The following MYBBP1A variants were observed in gnomAD, a reference collection of about 807,000 sequenced individuals.
MYBBP1A encodes MYB binding protein 1a.
Under a neutral mutation model 136.3 loss-of-function variants are expected in MYBBP1A, and 147 were observed. The observed-to-expected ratio is 1.08, with a 90% CI of 0.94 to 1.24. The LOEUF (loss-of-function observed/expected upper bound fraction) is 1.24, where lower values mean the gene tolerates loss of function less well. Ranked by LOEUF, MYBBP1A falls within the 50% of genes most tolerant of loss-of-function variation. The probability of loss-of-function intolerance (pLI) is 0.00; values close to 1 mark genes in which losing one functional copy is unlikely to be tolerated. For synonymous variants in MYBBP1A, 947 were observed against 735.8 expected, an observed-to-expected ratio of 1.29 and a Z score of -4.65; for missense variants, 2,060 against 1,727.4, an observed-to-expected ratio of 1.19 and a Z score of -3.41.
chr17:4,542,781 G>A (rs371500518), intron 20 of MYBBP1A, 40 bp from the exon 21 acceptor site: 10 of 1,607,324 alleles, frequency 6.2e-6, no homozygotes, highest in Non-Finnish European at 7.7e-6. Flanking sequence ...GCCAGGAGAG[G>A]GGTCCCTGGG....
Position 4,539,861 on chromosome 17 carries a change from G to A in MYBBP1A, c.3541C>T (p.Arg1181Cys), listed in dbSNP as rs371783239. Residue 1181 changes from arginine (R) to cysteine (C), a missense_variant, in exon 26 of 26, where the codon CGC becomes TGC. Coordinates refer to ENST00000254718, the MANE Select transcript of MYBBP1A (RefSeq NM_014520.4). The part of the protein sequence containing the change: ...KKGFLPETKK[R>C]KKRKSEDGTP... ...CCATCCTCTGACTTGCGTTTCTTGCGCTTCTTCGTCTCTGGCAAGAATCCC... is the reference window on the plus strand; with the variant it reads ...CCATCCTCTGACTTGCGTTTCTTGCACTTCTTCGTCTCTGGCAAGAATCCC... 49 of 1,606,662 alleles carry A rather than the reference G, an allele frequency of 3.0e-5. No homozygotes were observed. The highest frequency in any genetic ancestry group is 3.3e-4 in the Middle Eastern group (2 of 6,058).
At position 4,543,011 on chromosome 17, in the gene MYBBP1A, G is replaced by C; in HGVS notation, c.2794C>G (p.Arg932Gly). The C allele has an allele frequency of 6.2e-7, 1 of 1,613,970 alleles. No homozygotes were observed. The highest frequency in any genetic ancestry group is 1.1e-5 in the South Asian group (1 of 91,084). Residue 932 changes from arginine to glycine, a missense_variant, in exon 20 of 26, where the codon CGG (arginine) becomes GGG (glycine). By Grantham distance (125) the Arg-to-Gly change is moderately radical. Transcript: ENST00000254718. ...YHFNASLYLLRVLKGNTAEGC... is the reference protein window; with the variant it reads ...YHFNASLYLLGVLKGNTAEGC... ...TCAGCAGTGTTGCCCTTCAAGACCC[G>C]GAGCAGGTAGAGAGAGGCGTTGAAG...
At chr17:4,549,500 G>C in intron 9 of MYBBP1A, 58 bp from the exon 10 acceptor site, 1 of 1,488,140 alleles carries the variant, frequency 6.7e-7, no homozygotes, top group Non-Finnish European at 9.2e-7. Context: ...AAACAGGCTG[G>C]GCCCAGTGGC....
intron 19 of MYBBP1A, 60 bp downstream of exon 19, chr17:4,544,429 G>A (rs1906754327): frequency 2.6e-6 from 4 of 1,534,202 alleles, no homozygotes; most frequent in Non-Finnish European, 3.5e-6. Flanking sequence ...CTAGAGCTCT[G>A]GCTCTCCTGC....
Position 4,552,604 on chromosome 17 carries a change from T to C in MYBBP1A, c.584A>G (p.Glu195Gly). 6.2e-7 allele frequency: 1 copy of C among 1,613,658 alleles called. No individual in the cohort carries two copies. Among genetic ancestry groups the C allele is most frequent in the East Asian group, 2.2e-5 (1 of 44,868 alleles). ...LSEVSKATLQ[E>G]ILPEVLKADL... The stretch of plus-strand genomic sequence containing the variant: ...GGCTTTGAGGACCTCCGGCAGGATC[T>C]CCTGCAATGTGGCCTTCGAGACCTA... The change falls in exon 6 of 26, where the codon GAG becomes GGG. Residue 195 changes from glutamate (E) to glycine (G), a missense_variant. Physicochemically the swap from Glu to Gly is moderately conservative, Grantham distance 98 (BLOSUM62 -2). Transcript: ENST00000254718. The surrounding 1 kb of genome is among the most constrained non-coding windows in gnomAD (Gnocchi z 4.7).
intron 2 of MYBBP1A, 82 bp from the exon 3 acceptor site, chr17:4,554,360 C>T: frequency 8.2e-7 from 1 of 1,225,854 alleles, no homozygotes; most frequent in Non-Finnish European, 1.2e-6. Context: ...CCTCCCTTCC[C>T]CCTTCAACTT....
chr17:4,542,372 C>T, intron 22 of MYBBP1A, 92 bp downstream of exon 22: 1 of 1,410,844 alleles, frequency 7.1e-7, no homozygotes, highest in Non-Finnish European at 9.7e-7. Flanking sequence ...CTCACCAGGA[C>T]AGCGCTCTGG....
rs373822003 is a variant in MYBBP1A at position 4,542,545 on chromosome 17, G to C, written c.3019-13C>G. 1 of 1,612,474 alleles carries C rather than the reference G, an allele frequency of 6.2e-7. No homozygotes were observed. Among genetic ancestry groups the C allele is most frequent in the Non-Finnish European group, 8.5e-7 (1 of 1,178,998 alleles). On this transcript the variant is annotated splice_polypyrimidine_tract_variant and intron_variant, in intron 21 of 25. Transcript: ENST00000254718. ...TCTGACAGAGCACCTGGTGGGGAGT[G>C]ACAAGGGCTGTGAGGTGCAGGCTGG...
chr17:4,545,674 G>A lies in MYBBP1A; in HGVS notation c.2009C>T (p.Ala670Val), dbSNP rs753133635. 5 of 1,611,386 alleles carry A rather than the reference G, an allele frequency of 3.1e-6. No homozygotes were observed. The East Asian group carries it at 8.9e-5, about 29-fold the overall frequency. The change falls in exon 15 of 26, where the codon GCC (alanine) becomes GTC (valine). Residue 670 changes from alanine (A) to valine (V), a missense_variant. Physicochemically the swap from Ala to Val is moderately conservative, Grantham distance 64. Transcript: ENST00000254718. Reference sequence around the variant, plus strand: ...GCAGATGTGGCCAAACACGCTCCGGGCCACCTGGCGCATGAGGTGGCTGGG... The same window carrying A: ...GCAGATGTGGCCAAACACGCTCCGGACCACCTGGCGCATGAGGTGGCTGGG... ...AQPSHLMRQV[A>V]RSVFGHICSH...
Position 4,552,259 on chromosome 17 carries a change from AGAG to A in MYBBP1A, c.768_770del (p.Ser257del), listed in dbSNP as rs773772689. 6.2e-7 allele frequency: 1 copy of A among 1,614,144 alleles called. No individual in the cohort carries two copies. The highest frequency in any genetic ancestry group is 1.7e-5 in the Admixed American group (1 of 60,030). On this transcript the variant is annotated inframe_deletion, in exon 7 of 26. Coordinates refer to ENST00000254718, the MANE Select transcript of MYBBP1A (RefSeq NM_014520.4). The surrounding 1 kb of genome is among the most constrained non-coding windows in gnomAD (Gnocchi z 4.7). ...CGGGCAGCTTGCGGTCCTTCTTCAC[AGAG>A]GAGGCGGCCATCTTCAGCACATTCA...
Position 4,545,240 on chromosome 17 carries a change from CG to C in MYBBP1A, c.2160+18del. 6.2e-7 allele frequency: 1 copy of C among 1,612,946 alleles called. No individual in the cohort carries two copies. Among genetic ancestry groups the C allele is most frequent in the Non-Finnish European group, 8.5e-7 (1 of 1,179,944 alleles). On this transcript the variant is annotated intron_variant, in intron 16 of 25. Transcript: ENST00000254718. Reference sequence around the variant, plus strand: ...CGTCCCACTCCCCACCGCCCCCGCCCGGCCCATGCTGGCAACACCTCTGCAC... The same window carrying C: ...CGTCCCACTCCCCACCGCCCCCGCCCGCCCATGCTGGCAACACCTCTGCAC...
In MYBBP1A at chr17:4,552,412, TG is replaced by T; in HGVS notation, c.737+38del. The T allele has an allele frequency of 6.2e-7, 1 of 1,607,556 alleles. No homozygotes were observed. Among genetic ancestry groups the T allele is most frequent in the Non-Finnish European group, 8.5e-7 (1 of 1,177,658 alleles). ...CTGGGCCTGGCCAGATGCAGTCCCTTGGCCCCAGGGAGGGCAAATCCGCCCA... is the reference window on the plus strand; with the variant it reads ...CTGGGCCTGGCCAGATGCAGTCCCTTGCCCCAGGGAGGGCAAATCCGCCCA... On this transcript the variant is annotated intron_variant, in intron 6 of 25. Coordinates refer to ENST00000254718, the MANE Select transcript of MYBBP1A (RefSeq NM_014520.4). The surrounding 1 kb of genome is among the most constrained non-coding windows in gnomAD (Gnocchi z 4.7).
rs756518858 is a variant in MYBBP1A, at chr17:4,539,060, A to G, written c.*355T>C. ...ACCCCCTGGTGGCTCCCTCACAGCA[A>G]AAAAGCCTGGGGGCAAAGAGGTGGC... On this transcript the variant is annotated 3_prime_UTR_variant, in exon 26 of 26. Coordinates refer to ENST00000254718, the MANE Select transcript of MYBBP1A (RefSeq NM_014520.4). 26 of 1,258,958 alleles carry G rather than the reference A, an allele frequency of 2.1e-5. No individual in the cohort carries two copies. Among genetic ancestry groups the G allele is most frequent in the Non-Finnish European group, 2.9e-5 (25 of 862,472 alleles). The allele number at this position is 1,258,958 out of a possible 1,614,324, so 78.0% of individuals were successfully genotyped here.
rs373614648 is a variant in MYBBP1A at position 4,544,481 on chromosome 17, G to C, written c.2639+8C>G. ...CCACACCTGCCCGCCCTGCACCCCC[G>C]TGCTCACGTGAAGATGCGCGCCGTC... On this transcript the variant is annotated splice_region_variant and intron_variant, in intron 19 of 25. Transcript: ENST00000254718. 1 of 1,547,220 alleles carries C rather than the reference G, an allele frequency of 6.5e-7. No homozygotes were observed. Among genetic ancestry groups the C allele is most frequent in the Non-Finnish European group, 8.7e-7 (1 of 1,147,274 alleles).
At position 4,552,661 on chromosome 17, in the gene MYBBP1A, CT is replaced by C. The variant is rs1481200008; in HGVS notation, c.562-36del. ...GAGGGAGAAGAAATCGTGACTTCCT[CT>C]GCGGGGTGAGCCTGGTGGATCCTGT... is the stretch of plus-strand genomic sequence containing the variant. On this transcript the variant is annotated intron_variant, in intron 5 of 25. Coordinates refer to ENST00000254718, the MANE Select transcript of MYBBP1A (RefSeq NM_014520.4). This position sits in a 1 kb window ranked among gnomAD's most constrained non-coding sequence, Gnocchi z 4.7. 1.9e-6 allele frequency: 3 copies of C among 1,597,144 alleles called. No individual in the cohort carries two copies. The East Asian group carries it at 6.7e-5, about 36-fold the overall frequency.
chr17:4,551,949 C>T lies in MYBBP1A; in HGVS notation c.954G>A (p.Lys318=). 6.2e-7 allele frequency: 1 copy of T among 1,612,876 alleles called. No homozygotes were observed. Among genetic ancestry groups the T allele is most frequent in the Non-Finnish European group, 8.5e-7 (1 of 1,179,332 alleles). Residue 318 remains lysine (K), a synonymous_variant, in exon 8 of 26, where the codon AAG becomes AAA. Coordinates refer to ENST00000254718, the MANE Select transcript of MYBBP1A (RefSeq NM_014520.4). ...LLGAALPLLT[K]EQLHLVMQGD... is the part of the protein sequence containing the mutation. Reference sequence around the variant, plus strand: ...CCTGCATCACCAGGTGCAGCTGCTCCTTGGTCAGCAGGGGCAGGGCCGCGC... The same window carrying T: ...CCTGCATCACCAGGTGCAGCTGCTCTTTGGTCAGCAGGGGCAGGGCCGCGC...
In MYBBP1A at chr17:4,548,809, G is replaced by GGGGCT. The variant is rs922394441; in HGVS notation, c.1431-165_1431-161dup. On this transcript the variant is annotated intron_variant, in intron 10 of 25. Transcript: ENST00000254718. This position sits in a 1 kb window ranked among gnomAD's most constrained non-coding sequence, Gnocchi z 4.2. Reference sequence around the variant, plus strand: ...GGGGGCCTGACGGGCAAGGCTGGAGGGGGCTGGGCTGGGCTAGGATGGGAA... The same window carrying GGGGCT: ...GGGGGCCTGACGGGCAAGGCTGGAGGGGGCTGGGCTGGGCTGGGCTAGGATGGGAA... Among the ~76,000 whole-genome samples, 17 of 152,370 alleles carry GGGGCT rather than the reference G, an allele frequency of 1.1e-4. No individual in the cohort carries two copies. The highest frequency in any genetic ancestry group is 7.7e-4 in the East Asian group (4 of 5,186).
intron 13 of MYBBP1A, among the ~76,000 whole-genome samples, chr17:4,546,890 C>A (rs1907060635): frequency 6.6e-6 from 1 of 151,776 alleles, no homozygotes. Flanking sequence ...CAAGCAGGTC[C>A]CCGTCCTCCT....
chr17:4,542,659 G>A lies in MYBBP1A; in HGVS notation c.2975C>T (p.Pro992Leu). 6.2e-7 allele frequency: 1 copy of A among 1,614,006 alleles called. No individual in the cohort carries two copies. Among genetic ancestry groups the A allele is most frequent in the South Asian group, 1.1e-5 (1 of 91,086 alleles). The change falls in exon 21 of 26, where the codon CCC becomes CTC. Residue 992 changes from proline (P) to leucine (L), a missense_variant. Physicochemically the swap from Pro to Leu is moderately conservative, Grantham distance 98 (BLOSUM62 -3). Transcript: ENST00000254718. ...LSSFLTKRNS[P>L]LTVPMFLSLF... ...GCTGAGGAACATGGGAACTGTGAGG[G>A]GGCTGTTGCGCTTGGTCAGGAAGGA...
Sources: gnomAD v4.1 joint callset for allele counts (sites outside exome capture counted in the v4.1 genomes callset) on GRCh38, gnomAD v4.1.1 for gene constraint, Gnocchi (gnomAD v3.1) non-coding constraint, MANE v1.5 for transcripts, NCBI Gene and HGNC (gene_info 2026-07-23, HGNC 2026-07-21) for gene names.